Variants in ZNF536 observed in about 807,000 individuals in gnomAD.
ZNF536 encodes zinc finger protein 536.
Under a neutral mutation model 84.5 loss-of-function variants are expected in ZNF536, and 13 were observed. The ratio of observed to expected loss-of-function variants is 0.15; its 90% confidence interval spans 0.10 to 0.24. The LOEUF is 0.24. Ranked by LOEUF, ZNF536 falls within the 10% of genes least tolerant of loss-of-function variation. The pLI is 1.00. For synonymous variants in ZNF536, 811 were observed against 742.5 expected (o/e 1.09, Z -1.50); for missense variants, 1,536 against 1,747.5 (o/e 0.88, Z 2.16).
intron 1 of ZNF536, among the ~76,000 whole-genome samples, chr19:30,652,484 G>A (rs1199263877): frequency 6.6e-6 from 1 of 152,172 alleles, no homozygotes; most frequent in African/African-American, 2.4e-5. Context: ...CGATAGATGT[G>A]TCTCTGCTGA....
At chr19:30,498,791 G>A (rs1391798039) in intron 2 of ZNF536, among the ~76,000 whole-genome samples, 2 of 152,074 alleles carry the variant, frequency 1.3e-5, no homozygotes, top group Admixed American at 6.6e-5. Flanking sequence ...CACAGTGGGG[G>A]ACAGGAGCTC....
At chr19:30,360,452 A>G (rs1313923605) in intron 3 of ZNF536, among the ~76,000 whole-genome samples, 1 of 152,252 alleles carries the variant, frequency 6.6e-6, no homozygotes, top group Non-Finnish European at 1.5e-5. Flanking sequence ...TTGTCTGCAT[A>G]TAAAATTGTT....
At chr19:30,446,493 C>T (rs1170425360) in intron 2 of ZNF536, among the ~76,000 whole-genome samples, 2 of 152,040 alleles carry the variant, frequency 1.3e-5, no homozygotes, top group Non-Finnish European at 2.9e-5. Context: ...TTTCTCTCCC[C>T]CTTAGCGTAT....
intron 1 of ZNF536, among the ~76,000 whole-genome samples, chr19:30,373,138 T>C (rs2048675017): frequency 6.6e-6 from 1 of 152,242 alleles, no homozygotes; most frequent in Non-Finnish European, 1.5e-5. Context: ...GGTGACATGC[T>C]TGAATGTCCA....
At chr19:30,491,100 C>T (rs117770686) in intron 2 of ZNF536, among the ~76,000 whole-genome samples, 1,838 of 152,186 alleles carry the variant, frequency 0.012, 15 homozygotes, top group Non-Finnish European at 0.018. Context: ...TGGTTGATGT[C>T]GCTAGAGACA....
intron 2 of ZNF536, among the ~76,000 whole-genome samples, chr19:30,470,903 G>A (rs1053015800): frequency 1.3e-5 from 2 of 151,726 alleles, no homozygotes; most frequent in Admixed American, 1.3e-4. Context: ...GTCCAAACTG[G>A]TCTCAAACTC....
chr19:30,371,411 T>G (rs1435590063), upstream of ZNF536, among the ~76,000 whole-genome samples: 1 of 152,226 alleles, frequency 6.6e-6, no homozygotes, highest in East Asian at 1.9e-4. Context: ...TAATCTGTAT[T>G]GGTGTACAGT....
At chr19:30,693,184 C>G (rs575954002) in intron 1 of ZNF536, among the ~76,000 whole-genome samples, 1 of 152,178 alleles carries the variant, frequency 6.6e-6, no homozygotes, top group Non-Finnish European at 1.5e-5. Context: ...AACCTCATCT[C>G]GCATGGGACA....
chr19:30,528,733 C>T (rs2044687495), intron 2 of ZNF536, among the ~76,000 whole-genome samples: 1 of 152,134 alleles, frequency 6.6e-6, no homozygotes, highest in Non-Finnish European at 1.5e-5. Flanking sequence ...TCTTCATTTC[C>T]TTCATCTGTT....
chr19:30,611,892 G>C (rs926125106), intron 1 of ZNF536, among the ~76,000 whole-genome samples: 2 of 152,188 alleles, frequency 1.3e-5, no homozygotes, highest in Non-Finnish European at 2.9e-5. Context: ...TTTGGACTTG[G>C]TTTTCAAAAT....
At chr19:30,453,574 C>T (rs1486046981) in intron 2 of ZNF536, among the ~76,000 whole-genome samples, 5 of 152,174 alleles carry the variant, frequency 3.3e-5, no homozygotes, top group African/African-American at 1.2e-4. Context: ...TGAAATGTGC[C>T]TGTGAGACAG....
intron 1 of ZNF536, among the ~76,000 whole-genome samples, chr19:30,670,061 G>A (rs930684982): frequency 1.3e-5 from 2 of 152,204 alleles, no homozygotes; most frequent in South Asian, 2.1e-4. Flanking sequence ...GGGAGAGGGC[G>A]GGCCCGGGAC....
chr19:30,522,414 C>CT (rs1490847296), intron 2 of ZNF536, among the ~76,000 whole-genome samples: 1 of 151,060 alleles, frequency 6.6e-6, no homozygotes, highest in Non-Finnish European at 1.5e-5. Context: ...CTGATATGTT[C>CT]TCAAATGAAA....
chr19:30,348,544 G>A (rs2047822594), intron 2 of ZNF536, among the ~76,000 whole-genome samples: 2 of 152,170 alleles, frequency 1.3e-5, no homozygotes, highest in South Asian at 2.1e-4. Context: ...GTGACCCTGG[G>A]ACATCCTTGG....
chr19:30,691,851 TGAAAGGGATTCGGAAGCACAGAGGGAGA>T (rs1173363411), intron 1 of ZNF536, among the ~76,000 whole-genome samples: 1 of 152,084 alleles, frequency 6.6e-6, no homozygotes, highest in Non-Finnish European at 1.5e-5. Context: ...AGTGGACAAA[TGAAAGGGATTCGGAAGCACAGAGGGAGA>T]GAAAGGGCCA....
chr19:30,388,907 G>C (rs1600517796), intron 1 of ZNF536, among the ~76,000 whole-genome samples: 1 of 152,180 alleles, frequency 6.6e-6, no homozygotes, highest in East Asian at 1.9e-4. Context: ...GGCCATTTAT[G>C]TAGGGTGAGC....
chr19:30,263,578 C>T (rs767855206), intron 1 of ZNF536, among the ~76,000 whole-genome samples: 2 of 152,278 alleles, frequency 1.3e-5, no homozygotes, highest in East Asian at 3.9e-4. Context: ...ATTCGCAACT[C>T]GGCGACTCCA....
At chr19:30,530,200 C>G (rs2082484) in intron 2 of ZNF536, among the ~76,000 whole-genome samples, 32,311 of 152,048 alleles carry the variant, frequency 0.21, 5,383 homozygotes, top group African/African-American at 0.46. Context: ...GAAAGTGTCA[C>G]ATAGGAGGGA....
At chr19:30,258,280 A>G in intron 1 of ZNF536, among the ~76,000 whole-genome samples, 1 of 152,208 alleles carries the variant, frequency 6.6e-6, no homozygotes, top group East Asian at 1.9e-4. Context: ...GACAGAAGGG[A>G]CACTAAAGCT....
Sources: allele counts gnomAD v4.1 joint callset (sites outside exome capture counted in the v4.1 genomes callset), GRCh38; gene constraint gnomAD v4.1.1; transcripts MANE v1.5; gene names NCBI Gene and HGNC (gene_info 2026-07-23, HGNC 2026-07-21).